The following LARGE1 variants were observed in gnomAD, a reference collection of about 807,000 sequenced individuals.
The protein encoded by LARGE1 is LARGE xylosyl- and glucuronyltransferase 1, also known as xylosyl- and glucuronyltransferase LARGE1.
A neutral mutation model predicts 87.6 loss-of-function variants in LARGE1; 43 were observed. The observed-to-expected ratio is 0.49, with a 90% CI of 0.38 to 0.63. The LOEUF (loss-of-function observed/expected upper bound fraction) is 0.63. Ranked by LOEUF, LARGE1 falls within the 30% of genes least tolerant of loss-of-function variation. The pLI is 0.00. For synonymous variants in LARGE1, 434 were observed against 394.6 expected, an observed-to-expected ratio of 1.10 and a Z score of -1.18; for missense variants, 802 against 1,000.2, an observed-to-expected ratio of 0.80 and a Z score of 2.67.
chr22:33,852,947 G>C (rs1175260635), intron 1 of LARGE1, among the ~76,000 whole-genome samples: 1 of 151,462 alleles, frequency 6.6e-6, no homozygotes, highest in Non-Finnish European at 1.5e-5. Flanking sequence ...AGGGTAAAGA[G>C]GGATGGGAAT....
chr22:33,779,064 AAT>A (rs769987738), intron 1 of LARGE1, among the ~76,000 whole-genome samples: 4 of 152,232 alleles, frequency 2.6e-5, no homozygotes, highest in Non-Finnish European at 5.9e-5. Flanking sequence ...GGCCACCGTG[AAT>A]AGTTTTGCTA....
At chr22:33,721,239 G>C (rs890982227) in intron 2 of LARGE1, among the ~76,000 whole-genome samples, 5 of 152,188 alleles carry the variant, frequency 3.3e-5, no homozygotes, top group Admixed American at 6.5e-5. Flanking sequence ...GTTCTACCCT[G>C]AAATCCTGGC....
Position 33,382,473 on chromosome 22 carries a change from G to C in LARGE1, c.1006-429C>G, listed in dbSNP as rs79849514. On this transcript the variant is annotated intron_variant, in intron 8 of 14. Coordinates refer to ENST00000397394, the MANE Select transcript of LARGE1 (RefSeq NM_133642.5). ...GTAGCCCCACTCATTCAGGGACTGAGACAAATTACAGATCCTCCCTTTCAG... is the reference window on the plus strand; with the variant it reads ...GTAGCCCCACTCATTCAGGGACTGACACAAATTACAGATCCTCCCTTTCAG... 3.9e-3 allele frequency among the ~76,000 whole-genome samples: 600 copies of C among 152,288 alleles called. 3 individuals carry two copies. Among genetic ancestry groups the C allele is most frequent in the African/African-American group, 0.014 (580 of 41,564 alleles).
intron 3 of LARGE1, among the ~76,000 whole-genome samples, chr22:33,649,097 C>T (rs1027030572): frequency 1.3e-5 from 2 of 152,134 alleles, no homozygotes; most frequent in Non-Finnish European, 2.9e-5. Context: ...ACACATTCCT[C>T]GTTGGACATC....
At chr22:33,447,097 G>A (rs1256902111) in intron 6 of LARGE1, among the ~76,000 whole-genome samples, 2 of 151,984 alleles carry the variant, frequency 1.3e-5, no homozygotes, top group Non-Finnish European at 2.9e-5. Flanking sequence ...TTTCACCATG[G>A]TGGCCAGGCT....
intron 11 of LARGE1, among the ~76,000 whole-genome samples, chr22:33,187,041 A>C (rs1303858591): frequency 6.6e-6 from 1 of 152,228 alleles, no homozygotes; most frequent in African/African-American, 2.4e-5. Flanking sequence ...AAAGGCACCA[A>C]TGTGATTCAA....
At chr22:33,575,302 T>C (rs1456621648) in intron 5 of LARGE1, among the ~76,000 whole-genome samples, 2 of 152,140 alleles carry the variant, frequency 1.3e-5, no homozygotes, top group Non-Finnish European at 2.9e-5. Context: ...TAATACTTTG[T>C]TGGATTTATG....
chr22:33,639,489 C>T (rs1397317786), intron 3 of LARGE1, among the ~76,000 whole-genome samples: 1 of 152,216 alleles, frequency 6.6e-6, no homozygotes, highest in Non-Finnish European at 1.5e-5. Context: ...ATGTGACACT[C>T]ATGCATAGTT....
intron 7 of LARGE1, among the ~76,000 whole-genome samples, chr22:33,401,806 A>G (rs1383110707): frequency 6.6e-6 from 1 of 152,212 alleles, no homozygotes; most frequent in Non-Finnish European, 1.5e-5. Flanking sequence ...AACTGTGAGA[A>G]AAAAATAAAT....
At chr22:33,672,390 A>T (rs1410753444) in intron 2 of LARGE1, among the ~76,000 whole-genome samples, 2 of 152,240 alleles carry the variant, frequency 1.3e-5, no homozygotes, top group East Asian at 3.9e-4. Flanking sequence ...AACAAGCCTA[A>T]CCTCTTGCCC....
chr22:33,711,808 G>A (rs1270757792), intron 2 of LARGE1, among the ~76,000 whole-genome samples: 1 of 152,056 alleles, frequency 6.6e-6, no homozygotes, highest in East Asian at 1.9e-4. Flanking sequence ...CACTATGCTT[G>A]GCTAATTTTT....
chr22:33,799,572 C>T (rs932985191), intron 1 of LARGE1, among the ~76,000 whole-genome samples: 2 of 152,110 alleles, frequency 1.3e-5, no homozygotes, highest in Admixed American at 6.6e-5. Flanking sequence ...GCCCAGGTAG[C>T]TGGGATTACA....
intron 5 of LARGE1, among the ~76,000 whole-genome samples, chr22:33,569,009 T>C (rs1235833287): frequency 1.3e-5 from 2 of 152,090 alleles, no homozygotes; most frequent in African/African-American, 4.8e-5. Flanking sequence ...CCAAACTACA[T>C]TATCCTTCCT....
intron 6 of LARGE1, among the ~76,000 whole-genome samples, chr22:33,528,608 GGT>G (rs2072032787): frequency 6.6e-6 from 1 of 152,132 alleles, no homozygotes; most frequent in South Asian, 2.1e-4. Flanking sequence ...CTCTGTGTTG[GGT>G]GATCTCTGAT....
chr22:33,121,989 C>T, the LARGE1 span, among the ~76,000 whole-genome samples: 2 of 152,292 alleles, frequency 1.3e-5, no homozygotes, highest in East Asian at 3.9e-4. Context: ...CCAGGTCCTT[C>T]CCATGACACG....
chr22:33,739,803 T>C (rs550115281), intron 2 of LARGE1, among the ~76,000 whole-genome samples: 1 of 152,272 alleles, frequency 6.6e-6, no homozygotes, highest in South Asian at 2.1e-4. Flanking sequence ...GGCAGTTTAA[T>C]CGCTGCTATT....
chr22:33,909,463 T>A (rs1296640626), intron 1 of LARGE1, among the ~76,000 whole-genome samples: 1 of 151,432 alleles, frequency 6.6e-6, no homozygotes, highest in Admixed American at 6.6e-5. Context: ...ATCCCCCTGA[T>A]GAAAAGTCAC....
At chr22:33,241,014 A>G (rs572560628) in intron 11 of LARGE1, among the ~76,000 whole-genome samples, 6 of 152,252 alleles carry the variant, frequency 3.9e-5, no homozygotes, top group African/African-American at 1.4e-4. Flanking sequence ...TGCTCAGTCT[A>G]TCTACTTAGT....
chr22:33,907,004 A>C (rs897391536), intron 1 of LARGE1, among the ~76,000 whole-genome samples: 2 of 152,118 alleles, frequency 1.3e-5, no homozygotes, highest in Non-Finnish European at 2.9e-5. Context: ...AAGCAGAAGA[A>C]AAAGGAAAAT....
Sources: gnomAD v4.1 joint callset for allele counts (sites outside exome capture counted in the v4.1 genomes callset) on GRCh38, gnomAD v4.1.1 for gene constraint, MANE v1.5 for transcripts, NCBI Gene and HGNC (gene_info 2026-07-23, HGNC 2026-07-21) for gene names.